The following RABGEF1 variants were observed in gnomAD, a reference collection of about 807,000 sequenced individuals.
RABGEF1 encodes rab5 GDP/GTP exchange factor.
Under a neutral mutation model 57.3 loss-of-function variants are expected in RABGEF1, and 26 were observed. That is an observed-to-expected ratio of 0.45 (90% confidence interval 0.33 to 0.63). The LOEUF is 0.63. Among genes scored for constraint, RABGEF1 ranks in the 20% least tolerant of loss-of-function variants. RABGEF1 has a pLI of 0.02. For synonymous variants in RABGEF1, 185 were observed against 210.7 expected, an observed-to-expected ratio of 0.88 and a Z score of 1.06; for missense variants, 464 against 607.6, an observed-to-expected ratio of 0.76 and a Z score of 2.48.
chr7:66,762,159 C>T (rs1804568441), intron 1 of RABGEF1, among the ~76,000 whole-genome samples: 1 of 152,164 alleles, frequency 6.6e-6, no homozygotes, highest in Non-Finnish European at 1.5e-5. Context: ...ATTATAACAC[C>T]ACACTGGTAC....
intron 2 of RABGEF1, among the ~76,000 whole-genome samples, chr7:66,728,225 T>C (rs1562742858): frequency 6.6e-6 from 1 of 152,126 alleles, no homozygotes; most frequent in Non-Finnish European, 1.5e-5. Context: ...TCCTATCCCA[T>C]CTGCTGCCTG....
chr7:66,659,204 G>A, the RABGEF1 span, among the ~76,000 whole-genome samples: 1 of 152,150 alleles, frequency 6.6e-6, no homozygotes, highest in South Asian at 2.1e-4. Context: ...TGTAATCCCA[G>A]CACTTTGGGA....
chr7:66,799,504 C>A, intron 7 of RABGEF1, 90 bp downstream of exon 7: 1 of 1,078,366 alleles, frequency 9.3e-7, no homozygotes, highest in Non-Finnish European at 1.4e-6. Context: ...TTGTAAAATG[C>A]AGATTGTCGA....
upstream of RABGEF1, among the ~76,000 whole-genome samples, chr7:66,735,984 T>C (rs1482005927): frequency 2.0e-5 from 3 of 152,288 alleles, no homozygotes; most frequent in East Asian, 1.9e-4. Flanking sequence ...AACATCAGCC[T>C]TATTATTGAG....
intron 2 of RABGEF1, among the ~76,000 whole-genome samples, chr7:66,773,241 G>A (rs1807655242): frequency 6.6e-6 from 1 of 152,020 alleles, no homozygotes; most frequent in Non-Finnish European, 1.5e-5. Context: ...ATCTCCTCAG[G>A]GTTTCCACTG....
chr7:66,805,096 G>T lies in RABGEF1; in HGVS notation c.821-44G>T, dbSNP rs1391622203. On this transcript the variant is annotated intron_variant, in intron 7 of 8. Transcript: ENST00000284957. ...ATGATTTTCCTATTGCTTCTTTTTT[G>T]TGATTCTTTTCTCCTGGGAAATATT... 13 of 1,528,480 alleles carry T rather than the reference G, an allele frequency of 8.5e-6. No individual in the cohort carries two copies. In the Admixed American group the frequency reaches 1.2e-4, roughly 15 times the overall value. 94.7% of individuals were successfully genotyped at this position (1,528,480 alleles called of 1,614,324 possible). A position where few individuals can be genotyped will look rare whatever the true frequency, so the allele number is the denominator to read the frequency against.
intron 2 of RABGEF1, among the ~76,000 whole-genome samples, chr7:66,729,139 AT>A (rs540327794): frequency 6.6e-6 from 1 of 151,798 alleles, no homozygotes; most frequent in Non-Finnish European, 1.5e-5. Flanking sequence ...TTTAGTAGAT[AT>A]GGGGTTTCAC....
intron 1 of RABGEF1, among the ~76,000 whole-genome samples, chr7:66,767,995 T>C (rs148072715): frequency 3.7e-4 from 57 of 152,306 alleles, no homozygotes; most frequent in South Asian, 2.1e-3. Flanking sequence ...GGGTGCACCA[T>C]AGTTTGTTTA....
Position 66,809,382 on chromosome 7 carries a change from A to T in RABGEF1, c.*98A>T. The T allele has an allele frequency of 8.1e-7, 1 of 1,228,488 alleles. No homozygotes were observed. 76.1% of individuals were successfully genotyped at this position (1,228,488 alleles called of 1,614,324 possible). A position where few individuals can be genotyped will look rare whatever the true frequency, so the allele number is the denominator to read the frequency against. On this transcript the variant is annotated 3_prime_UTR_variant, in exon 9 of 9. Coordinates refer to ENST00000284957, the MANE Select transcript of RABGEF1 (RefSeq NM_014504.3). ...TCTAGAATGTAACTAAATTGCTTAT[A>T]AATGTCAGCATTTTTTAAAGGTACA...
chr7:66,761,952 G>A (rs556344711), intron 1 of RABGEF1, among the ~76,000 whole-genome samples: 9 of 152,194 alleles, frequency 5.9e-5, no homozygotes, highest in Non-Finnish European at 1.2e-4. Context: ...TTGGGAAGCC[G>A]AGGCAGGAGA....
intron 2 of RABGEF1, among the ~76,000 whole-genome samples, chr7:66,774,410 A>G (rs1288983061): frequency 6.6e-6 from 1 of 152,102 alleles, no homozygotes; most frequent in Non-Finnish European, 1.5e-5. Context: ...CTTCCCTACC[A>G]CATGATGAAA....
intron 4 of RABGEF1, among the ~76,000 whole-genome samples, chr7:66,794,535 A>G (rs547137536): frequency 5.7e-4 from 87 of 152,332 alleles, no homozygotes; most frequent in African/African-American, 2.0e-3. Flanking sequence ...AAACAAATAC[A>G]TATATTACAC....
At chr7:66,786,931 C>G (rs1811317899) in intron 4 of RABGEF1, among the ~76,000 whole-genome samples, 1 of 152,222 alleles carries the variant, frequency 6.6e-6, no homozygotes, top group African/African-American at 2.4e-5. Flanking sequence ...AGCTACTTTT[C>G]TGTTCTTACA....
At position 66,785,026 on chromosome 7, in the gene RABGEF1, T is replaced by G. The variant is rs528031553; in HGVS notation, c.513+1185T>G. 7.2e-5 allele frequency among the ~76,000 whole-genome samples: 11 copies of G among 152,376 alleles called. No homozygotes were observed. The South Asian group carries it at 2.1e-3, about 29-fold the overall frequency. ...GGGATAGCTATATTAAGTTAGTGTA[T>G]GTATACTGTAGTACATATAGCATGT... On this transcript the variant is annotated intron_variant, in intron 4 of 8. Transcript: ENST00000284957.
the RABGEF1 span, among the ~76,000 whole-genome samples, chr7:66,655,553 T>C: frequency 1.1e-4 from 16 of 152,200 alleles, no homozygotes; most frequent in Admixed American, 3.9e-4. Context: ...TTATATTTTT[T>C]GAGATGGGAT....
chr7:66,785,052 A>G (rs1221918545), intron 4 of RABGEF1, among the ~76,000 whole-genome samples: 1 of 152,168 alleles, frequency 6.6e-6, no homozygotes, highest in Non-Finnish European at 1.5e-5. Context: ...TATAGCATGT[A>G]TGCTGTATAA....
rs535111373 is a variant in RABGEF1 at position 66,732,922 on chromosome 7, T to G, written c.-814-7074T>G. Reference sequence around the variant, plus strand: ...TTCCCTGACCCCAGGCTCGCCCTGCTTCTCTAAACTTCTCGGCAGTCAGGG... The same window carrying G: ...TTCCCTGACCCCAGGCTCGCCCTGCGTCTCTAAACTTCTCGGCAGTCAGGG... On this transcript the variant is annotated intron_variant and NMD_transcript_variant, in intron 2 of 9. Coordinates refer to the RABGEF1 transcript ENST00000607882. Among the ~76,000 whole-genome samples the G allele has an allele frequency of 1.8e-4, 27 of 152,310 alleles. 1 individual carries two copies. The South Asian group carries it at 3.7e-3, about 21-fold the overall frequency.
At chr7:66,707,517 G>A (rs1161937222) in intron 1 of RABGEF1, among the ~76,000 whole-genome samples, 3 of 152,204 alleles carry the variant, frequency 2.0e-5, no homozygotes, top group Non-Finnish European at 4.4e-5. Context: ...GGGAAACCCT[G>A]TCTCTACTAA....
At chr7:66,765,906 T>C (rs1235263075) in intron 1 of RABGEF1, among the ~76,000 whole-genome samples, 1 of 152,184 alleles carries the variant, frequency 6.6e-6, no homozygotes, top group African/African-American at 2.4e-5. Flanking sequence ...CTTCCCAAAC[T>C]ATGTTCATTT....
Sources: gnomAD v4.1 joint callset for allele counts (sites outside exome capture counted in the v4.1 genomes callset) on GRCh38, gnomAD v4.1.1 for gene constraint, MANE v1.5 for transcripts, NCBI Gene and HGNC (gene_info 2026-07-23, HGNC 2026-07-21) for gene names.